Variants in FAM169A observed in about 807,000 individuals in gnomAD.
FAM169A encodes family with sequence similarity 169 member A, also known as soluble lamin-associated protein of 75 kDa.
FAM169A carries 24 observed loss-of-function variants against 75.7 expected under a neutral mutation model. The observed-to-expected ratio is 0.32, with a 90% CI of 0.23 to 0.45. The LOEUF (loss-of-function observed/expected upper bound fraction) is 0.45. Ranked by LOEUF, FAM169A falls within the 20% of genes least tolerant of loss-of-function variation. FAM169A has a pLI of 1.00. For synonymous variants in FAM169A, 271 were observed against 271.0 expected, an observed-to-expected ratio of 1.00 and a Z score of 0.00; for missense variants, 673 against 784.0, an observed-to-expected ratio of 0.86 and a Z score of 1.69.
At chr5:74,857,571 G>GAAAAAAAAAAAAAAAAAAAA (rs1561328873) in intron 1 of FAM169A, among the ~76,000 whole-genome samples, 1 of 65,722 alleles carries the variant, frequency 1.5e-5, no homozygotes, top group African/African-American at 6.3e-5. Flanking sequence ...CCTTGCCGCG[G>GAAAAAAAAAAAAAAAAAAAA]GAAAAAAAAA....
rs770264339 is a variant in FAM169A at position 74,801,576 on chromosome 5, G to C, written c.952+14C>G. 3.1e-6 allele frequency: 5 copies of C among 1,597,892 alleles called. No homozygotes were observed. In the Admixed American group the frequency reaches 8.3e-5, roughly 27 times the overall value. On this transcript the variant is annotated intron_variant, in intron 9 of 12. Coordinates refer to ENST00000687041, the MANE Select transcript of FAM169A (RefSeq NM_001376049.1). ...GTCTCAAATACTTACTGATATATCA[G>C]TTGAATTTCTTACCTTCGGAAGTGC...
intron 2 of FAM169A, among the ~76,000 whole-genome samples, chr5:74,841,256 CAAATCTAAAGT>C (rs1355181255): frequency 5.9e-5 from 9 of 151,986 alleles, no homozygotes; most frequent in Non-Finnish European, 7.4e-5. Context: ...TCACAAATTC[CAAATCTAAAGT>C]AAATCTGAAG....
intron 11 of FAM169A, among the ~76,000 whole-genome samples, chr5:74,784,918 C>CAA (rs869156232): frequency 0.027 from 1,662 of 61,736 alleles, 49 homozygotes; most frequent in African/African-American, 0.074. Flanking sequence ...GACTCCGTCT[C>CAA]AAAAAAAAAA....
upstream of FAM169A, chr5:74,866,515 G>T: frequency 3.3e-6 from 2 of 609,738 alleles, no homozygotes; most frequent in Non-Finnish European, 4.1e-6. Context: ...TCCAGCCCCG[G>T]CTTTCAGGCG....
chr5:74,855,172 T>C (rs1282350128), intron 1 of FAM169A, among the ~76,000 whole-genome samples: 1 of 152,162 alleles, frequency 6.6e-6, no homozygotes, highest in Admixed American at 6.5e-5. Context: ...TGAGATGATA[T>C]CTCACTGTAG....
intron 6 of FAM169A, among the ~76,000 whole-genome samples, chr5:74,812,100 A>G (rs1478030841): frequency 6.6e-6 from 1 of 152,170 alleles, no homozygotes; most frequent in Non-Finnish European, 1.5e-5. Flanking sequence ...GACATAGTAC[A>G]TGAGTATTTG....
intron 11 of FAM169A, among the ~76,000 whole-genome samples, chr5:74,784,532 A>AAAC (rs1745580117): frequency 6.9e-6 from 1 of 145,620 alleles, no homozygotes; most frequent in African/African-American, 2.6e-5. Flanking sequence ...AAAAAAAACA[A>AAAC]GAAACCAAAG....
intron 11 of FAM169A, among the ~76,000 whole-genome samples, chr5:74,793,345 G>GGT (rs1288327291): frequency 4.3e-4 from 65 of 150,022 alleles, no homozygotes; most frequent in African/African-American, 1.6e-3. Context: ...AAAAAAAAGT[G>GGT]GTATATATAG....
At chr5:74,861,215 C>G (rs928607102) in intron 1 of FAM169A, among the ~76,000 whole-genome samples, 6 of 152,166 alleles carry the variant, frequency 3.9e-5, no homozygotes, top group Non-Finnish European at 7.4e-5. Flanking sequence ...CTTCAAGGAA[C>G]CTTTTAACAT....
chr5:74,777,983 T>C lies in FAM169A; in HGVS notation c.*3477A>G, dbSNP rs1745206363. On this transcript the variant is annotated 3_prime_UTR_variant, in exon 13 of 13. Coordinates refer to ENST00000687041, the MANE Select transcript of FAM169A (RefSeq NM_001376049.1). ...TCACTTGATGACAGAAGGTAAGCCTTTCTTACAATTAGATTTTAGCAGATA... is the reference window on the plus strand; with the variant it reads ...TCACTTGATGACAGAAGGTAAGCCTCTCTTACAATTAGATTTTAGCAGATA... 1 of 152,056 alleles carries C rather than the reference T, an allele frequency of 6.6e-6. No individual in the cohort carries two copies. The highest frequency in any genetic ancestry group is 2.1e-4 in the South Asian group (1 of 4,836). The allele number at this position is 152,056 out of a possible 1,614,324, so 9.4% of individuals were successfully genotyped here. A position where few individuals can be genotyped will look rare whatever the true frequency, so the allele number is the denominator to read the frequency against.
At chr5:74,851,889 G>A (rs1056560579) in intron 1 of FAM169A, among the ~76,000 whole-genome samples, 5 of 152,162 alleles carry the variant, frequency 3.3e-5, no homozygotes, top group African/African-American at 4.8e-5. Flanking sequence ...CTTTAGTAAA[G>A]TTAACAGGGA....
chr5:74,852,082 C>G (rs1205231943), intron 1 of FAM169A, among the ~76,000 whole-genome samples: 1 of 152,086 alleles, frequency 6.6e-6, no homozygotes, highest in Non-Finnish European at 1.5e-5. Context: ...CAAAAAGAAA[C>G]CAAAACTTGG....
At chr5:74,866,607 C>G (rs1403392852), upstream of FAM169A, 3 of 668,854 alleles carry the variant, frequency 4.5e-6, no homozygotes, top group Non-Finnish European at 5.5e-6. Flanking sequence ...TCTCTCCGCC[C>G]CGGCCGCCGT....
Position 74,781,499 on chromosome 5 carries a change from C to G in FAM169A, c.1974G>C (p.Gly658=). 6.2e-7 allele frequency: 1 copy of G among 1,614,142 alleles called. No individual in the cohort carries two copies. The highest frequency in any genetic ancestry group is 8.5e-7 in the Non-Finnish European group (1 of 1,180,000). ...CTTTCTTCTTAGCAGGTCCTTTATG[C>G]CCTTTGGCCTTTCTTCTTAAATTCC... ...DRRNLRRKAK[G]HKGPAKKKAK... Residue 658 remains glycine, a synonymous_variant, in exon 13 of 13, where the codon GGG becomes GGC. Transcript: ENST00000687041.
At chr5:74,786,624 C>A (rs1430756052) in intron 11 of FAM169A, among the ~76,000 whole-genome samples, 1 of 152,158 alleles carries the variant, frequency 6.6e-6, no homozygotes, top group Non-Finnish European at 1.5e-5. Context: ...CTCCTAAGTT[C>A]ACTGGACAAA....
chr5:74,858,855 A>T (rs1459419748), intron 1 of FAM169A, among the ~76,000 whole-genome samples: 1 of 152,234 alleles, frequency 6.6e-6, no homozygotes, highest in Non-Finnish European at 1.5e-5. Context: ...ATTAGAAGAC[A>T]GCCTCTTAGT....
At chr5:74,833,459 A>G (rs1748418707) in intron 5 of FAM169A, among the ~76,000 whole-genome samples, 1 of 152,212 alleles carries the variant, frequency 6.6e-6, no homozygotes, top group Non-Finnish European at 1.5e-5. Flanking sequence ...AAGAAAAACC[A>G]TTTTAAACTG....
intron 2 of FAM169A, among the ~76,000 whole-genome samples, chr5:74,840,693 G>A (rs1366445245): frequency 6.6e-6 from 1 of 151,796 alleles, no homozygotes; most frequent in Non-Finnish European, 1.5e-5. Context: ...GCCGGGCATG[G>A]TGGTGGGCGC....
chr5:74,806,348 A>G (rs1746882123), intron 6 of FAM169A, among the ~76,000 whole-genome samples: 1 of 152,194 alleles, frequency 6.6e-6, no homozygotes, highest in South Asian at 2.1e-4. Flanking sequence ...ATAAAAATCC[A>G]TATAAAAAAG....
Sources: gnomAD v4.1 joint callset for allele counts (sites outside exome capture counted in the v4.1 genomes callset) on GRCh38, gnomAD v4.1.1 for gene constraint, MANE v1.5 for transcripts, NCBI Gene and HGNC (gene_info 2026-07-23, HGNC 2026-07-21) for gene names.